SH3PXD2A: variants seen among roughly 807,000 people sequenced by gnomAD.
The protein encoded by SH3PXD2A is SH3 and PX domain-containing protein 2A.
Under a neutral mutation model 115.2 loss-of-function variants are expected in SH3PXD2A, and 32 were observed. The ratio of observed to expected loss-of-function variants is 0.28; its 90% CI spans 0.21 to 0.37. SH3PXD2A has a LOEUF of 0.37. Ranked by LOEUF, SH3PXD2A falls within the 10% of genes least tolerant of loss-of-function variation. SH3PXD2A has a pLI of 1.00. For missense variants in SH3PXD2A, 1,328 were observed against 1,498.7 expected, an observed-to-expected ratio of 0.89 and a Z score of 1.88; for synonymous variants, 610 against 629.1, an observed-to-expected ratio of 0.97 and a Z score of 0.45.
intron 1 of SH3PXD2A, among the ~76,000 whole-genome samples, chr10:103,837,275 C>T (rs1049596776): frequency 1.3e-5 from 2 of 152,332 alleles, no homozygotes; most frequent in Admixed American, 6.5e-5. Context: ...CAGGCACCAC[C>T]GGACAGGCAG....
intron 1 of SH3PXD2A, among the ~76,000 whole-genome samples, chr10:103,822,549 G>GT (rs558798803): frequency 8.0e-4 from 117 of 145,922 alleles, no homozygotes; most frequent in African/African-American, 3.2e-3. Flanking sequence ...GGGCATGGTG[G>GT]GGGGGGAGCA....
intron 1 of SH3PXD2A, among the ~76,000 whole-genome samples, chr10:103,814,028 A>C (rs1421160131): frequency 1.3e-5 from 2 of 151,976 alleles, no homozygotes; most frequent in Non-Finnish European, 1.5e-5. Flanking sequence ...ACAAAAAAAA[A>C]ACCACACCCT....
At chr10:103,681,922 G>C (rs2037615777) in intron 6 of SH3PXD2A, among the ~76,000 whole-genome samples, 1 of 152,120 alleles carries the variant, frequency 6.6e-6, no homozygotes, top group African/African-American at 2.4e-5. Flanking sequence ...TTAAGAAAAT[G>C]AAAAAATGCA....
chr10:103,830,603 G>A (rs576393815), intron 1 of SH3PXD2A, among the ~76,000 whole-genome samples: 1 of 152,320 alleles, frequency 6.6e-6, no homozygotes, highest in South Asian at 2.1e-4. Context: ...CATCAAGAGG[G>A]AGAATGAGTA....
At chr10:103,611,053 A>G (rs2036419649) in intron 13 of SH3PXD2A, among the ~76,000 whole-genome samples, 1 of 152,168 alleles carries the variant, frequency 6.6e-6, no homozygotes, top group South Asian at 2.1e-4. Context: ...AGGAAACCCC[A>G]CCCACATGAA....
intron 8 of SH3PXD2A, among the ~76,000 whole-genome samples, chr10:103,655,073 C>T (rs2037190286): frequency 1.3e-5 from 2 of 152,290 alleles, no homozygotes; most frequent in African/African-American, 2.4e-5. Flanking sequence ...CACTGGAGAT[C>T]GTCTTGGGCC....
chr10:103,851,527 C>A (rs1203727696), intron 1 of SH3PXD2A, among the ~76,000 whole-genome samples: 1 of 152,188 alleles, frequency 6.6e-6, no homozygotes, highest in African/African-American at 2.4e-5. Flanking sequence ...CACCTTATAT[C>A]CACATCCTCC....
Position 103,652,775 on chromosome 10 carries a change from G to C in SH3PXD2A, c.604+8208C>G, listed in dbSNP as rs572708257. Among the ~76,000 whole-genome samples the C allele has an allele frequency of 7.2e-5, 11 of 152,286 alleles. 1 individual carries two copies. In the South Asian group the frequency reaches 2.3e-3, roughly 32 times the overall value. On this transcript the variant is annotated intron_variant, in intron 8 of 14. Transcript: ENST00000369774. ...AGGCAGTGTCTGTGTGTTGGGGGCA[G>C]GCAGAGGATCTCCAGGGTTGCCCAC...
At chr10:103,698,785 G>A (rs2037856726) in intron 5 of SH3PXD2A, among the ~76,000 whole-genome samples, 1 of 152,112 alleles carries the variant, frequency 6.6e-6, no homozygotes, top group African/African-American at 2.4e-5. Context: ...GAGAATTACA[G>A]GAGGGGTTAC....
At chr10:103,710,256 T>C (rs2038031805) in intron 5 of SH3PXD2A, among the ~76,000 whole-genome samples, 1 of 152,078 alleles carries the variant, frequency 6.6e-6, no homozygotes, top group Non-Finnish European at 1.5e-5. Flanking sequence ...TAGCTGGGCA[T>C]CACCTGTAGT....
chr10:103,641,501 C>A (rs189715395), intron 8 of SH3PXD2A, among the ~76,000 whole-genome samples: 1 of 152,218 alleles, frequency 6.6e-6, no homozygotes, highest in Non-Finnish European at 1.5e-5. Flanking sequence ...ATACCCAGTA[C>A]AGCATTCATT....
intron 8 of SH3PXD2A, among the ~76,000 whole-genome samples, chr10:103,640,753 G>C (rs1024451327): frequency 2.6e-5 from 4 of 152,166 alleles, no homozygotes; most frequent in African/African-American, 9.7e-5. Flanking sequence ...GGAGAGCCTG[G>C]GAAGGGGCTC....
intron 9 of SH3PXD2A, among the ~76,000 whole-genome samples, chr10:103,625,315 T>A (rs928746912): frequency 6.6e-6 from 1 of 152,264 alleles, no homozygotes; most frequent in Non-Finnish European, 1.5e-5. Flanking sequence ...GGGGCTCTGA[T>A]TCATACACGC....
At chr10:103,683,726 TCCTTACTCATG>T (rs2134110912) in intron 6 of SH3PXD2A, among the ~76,000 whole-genome samples, 1 of 152,186 alleles carries the variant, frequency 6.6e-6, no homozygotes, top group African/African-American at 2.4e-5. Context: ...CAGCTCCACA[TCCTTACTCATG>T]CCTGGCTGTC....
chr10:103,771,912 C>T (rs965729839), intron 2 of SH3PXD2A, among the ~76,000 whole-genome samples: 5 of 152,268 alleles, frequency 3.3e-5, no homozygotes, highest in Non-Finnish European at 4.4e-5. Flanking sequence ...CCCAGCCACA[C>T]CTGTCACCTA....
chr10:103,689,594 G>A lies in SH3PXD2A; in HGVS notation c.427+3434C>T, dbSNP rs888518646. On this transcript the variant is annotated intron_variant, in intron 6 of 14. Transcript: ENST00000369774. ...GCAAGAGAACCACTTGAACCCAGGA[G>A]GCGGAGGTTGCAGTGAGCTAAGGTC... Among the ~76,000 whole-genome samples the A allele has an allele frequency of 2.6e-5, 4 of 152,274 alleles. No individual in the cohort carries two copies. The East Asian group carries it at 5.8e-4, about 22-fold the overall frequency.
At chr10:103,795,856 A>G (rs1003249496) in intron 2 of SH3PXD2A, among the ~76,000 whole-genome samples, 2 of 149,670 alleles carry the variant, frequency 1.3e-5, no homozygotes, top group African/African-American at 4.9e-5. Context: ...AAGGATGGGA[A>G]GAAGGAAAGA....
chr10:103,625,138 T>G (rs1386411480), intron 9 of SH3PXD2A, among the ~76,000 whole-genome samples: 2 of 152,208 alleles, frequency 1.3e-5, no homozygotes, highest in Admixed American at 6.5e-5. Flanking sequence ...CCACTACTAC[T>G]TGTTCTGTGC....
At chr10:103,694,633 C>G (rs2037803839) in intron 5 of SH3PXD2A, among the ~76,000 whole-genome samples, 1 of 152,210 alleles carries the variant, frequency 6.6e-6, no homozygotes, top group Non-Finnish European at 1.5e-5. Context: ...AATCCTCTCA[C>G]CCACACTAAG....
Sources: allele counts gnomAD v4.1 joint callset (sites outside exome capture counted in the v4.1 genomes callset), GRCh38; gene constraint gnomAD v4.1.1; transcripts MANE v1.5; gene names NCBI Gene and HGNC (gene_info 2026-07-23, HGNC 2026-07-21).